The following DAB1 variants were observed in gnomAD, a reference collection of about 807,000 sequenced individuals.
DAB1 encodes disabled homolog 1.
In DAB1, 15 loss-of-function variants were observed where a neutral mutation model predicts 64.6. The ratio of observed to expected loss-of-function variants is 0.23; its 90% CI spans 0.16 to 0.36. The LOEUF is 0.36. Ranked by LOEUF, DAB1 falls within the 10% of genes least tolerant of loss-of-function variation. DAB1 has a pLI of 1.00. For synonymous variants in DAB1, 235 were observed against 251.9 expected, an observed-to-expected ratio of 0.93 and a Z score of 0.64; for missense variants, 596 against 706.7, an observed-to-expected ratio of 0.84 and a Z score of 1.78.
intron 2 of DAB1, among the ~76,000 whole-genome samples, chr1:57,246,155 G>A (rs1010765463): frequency 1.3e-5 from 2 of 152,186 alleles, no homozygotes; most frequent in African/African-American, 4.8e-5. Context: ...CATGATAATG[G>A]GGAAAATGTC....
At chr1:57,471,461 A>T (rs116816704) in intron 7 of DAB1, among the ~76,000 whole-genome samples, 1,546 of 152,334 alleles carry the variant, frequency 0.01, 21 homozygotes, top group Middle Eastern at 0.024. Context: ...TTTATCGGTC[A>T]CTGATATGGT....
chr1:57,943,122 T>C (rs1411990138), intron 5 of DAB1, among the ~76,000 whole-genome samples: 1 of 152,154 alleles, frequency 6.6e-6, no homozygotes, highest in South Asian at 2.1e-4. Flanking sequence ...AAAAGGCTCA[T>C]TAGGGACCAA....
chr1:58,538,719 A>G (rs977966729), intron 1 of DAB1: 2 of 623,626 alleles, frequency 3.2e-6, no homozygotes. Context: ...ATTAATTTCT[A>G]AAAGTTAATA....
intron 7 of DAB1, among the ~76,000 whole-genome samples, chr1:57,624,420 G>A (rs528659993): frequency 2.0e-5 from 3 of 152,242 alleles, no homozygotes; most frequent in Admixed American, 2.0e-4. Context: ...GAACAAAAAT[G>A]TGGTTGGGCA....
chr1:57,525,948 T>C (rs922036045), intron 7 of DAB1, among the ~76,000 whole-genome samples: 26 of 151,664 alleles, frequency 1.7e-4, no homozygotes, highest in African/African-American at 6.1e-4. Context: ...TCTTTTTTTT[T>C]TTTTTTTGAG....
At chr1:58,476,080 A>G (rs968414567) in intron 3 of DAB1, among the ~76,000 whole-genome samples, 1 of 152,214 alleles carries the variant, frequency 6.6e-6, no homozygotes, top group Non-Finnish European at 1.5e-5. Context: ...TTTTAGACCA[A>G]TGCTGCCCAG....
intron 4 of DAB1, among the ~76,000 whole-genome samples, chr1:58,254,004 T>C (rs1034278773): frequency 6.6e-6 from 1 of 152,184 alleles, no homozygotes; most frequent in Non-Finnish European, 1.5e-5. Context: ...ATGAATATTA[T>C]AGTTAGTGGC....
chr1:57,908,384 G>A (rs536496212), intron 5 of DAB1, among the ~76,000 whole-genome samples: 5 of 152,194 alleles, frequency 3.3e-5, no homozygotes, highest in African/African-American at 1.2e-4. Context: ...CCCAACAGCC[G>A]ATTTAACCAA....
At chr1:58,033,265 G>A (rs1264939538) in intron 5 of DAB1, among the ~76,000 whole-genome samples, 1 of 152,136 alleles carries the variant, frequency 6.6e-6, no homozygotes, top group African/African-American at 2.4e-5. Context: ...TTCCTCTACA[G>A]AAGATCCTTC....
chr1:57,586,554 T>C (rs1359805671), intron 7 of DAB1, among the ~76,000 whole-genome samples: 2 of 152,006 alleles, frequency 1.3e-5, no homozygotes, highest in Non-Finnish European at 2.9e-5. Flanking sequence ...CCTCATTCCA[T>C]GTGGGTGGTT....
At chr1:57,043,396 T>G (rs1470119371) in intron 9 of DAB1, among the ~76,000 whole-genome samples, 2 of 152,180 alleles carry the variant, frequency 1.3e-5, no homozygotes, top group East Asian at 3.9e-4. Flanking sequence ...ACATGTAAGC[T>G]TTCATGAAGA....
At chr1:57,471,361 G>A (rs949095253) in intron 7 of DAB1, among the ~76,000 whole-genome samples, 13 of 152,080 alleles carry the variant, frequency 8.5e-5, no homozygotes, top group African/African-American at 3.1e-4. Flanking sequence ...CAAAAGTGAA[G>A]AAAAGAATTT....
At chr1:57,517,696 C>A (rs1179110427) in intron 7 of DAB1, among the ~76,000 whole-genome samples, 1 of 152,210 alleles carries the variant, frequency 6.6e-6, no homozygotes, top group Non-Finnish European at 1.5e-5. Flanking sequence ...CAGCTTCAAT[C>A]GGCAGTGTTT....
chr1:57,265,923 C>A (rs527404579), intron 2 of DAB1, among the ~76,000 whole-genome samples: 3 of 152,308 alleles, frequency 2.0e-5, no homozygotes, highest in Admixed American at 1.3e-4. Flanking sequence ...GAGAGGACTT[C>A]AGAAATAATT....
chr1:58,540,280 AG>A (rs1223797145), intron 1 of DAB1, among the ~76,000 whole-genome samples: 2 of 136,130 alleles, frequency 1.5e-5, no homozygotes, highest in Non-Finnish European at 1.6e-5. Context: ...ACTGCATCCC[AG>A]GAAAAAAAAA....
chr1:57,359,744 C>T (rs1423086173), intron 1 of DAB1, among the ~76,000 whole-genome samples: 1 of 151,998 alleles, frequency 6.6e-6, no homozygotes, highest in East Asian at 1.9e-4. Context: ...CAATGTAATA[C>T]TATTCAGCCA....
intron 1 of DAB1, among the ~76,000 whole-genome samples, chr1:57,388,718 T>C (rs1223178896): frequency 1.3e-5 from 2 of 152,204 alleles, no homozygotes; most frequent in Non-Finnish European, 2.9e-5. Context: ...GGAAGTGAGC[T>C]CAGCTTTCTA....
At chr1:57,825,405 G>T (rs1412389780), downstream of DAB1, among the ~76,000 whole-genome samples, 1 of 152,204 alleles carries the variant, frequency 6.6e-6, no homozygotes, top group Non-Finnish European at 1.5e-5. Flanking sequence ...GAGGAGGCAG[G>T]ACTGTATAGA....
intron 2 of DAB1, among the ~76,000 whole-genome samples, chr1:58,524,925 T>A (rs1365736103): frequency 6.6e-6 from 1 of 152,204 alleles, no homozygotes; most frequent in East Asian, 1.9e-4. Flanking sequence ...TGTCTTCTGG[T>A]GTTTTAAGTA....
Sources: gnomAD v4.1 joint callset for allele counts (sites outside exome capture counted in the v4.1 genomes callset) on GRCh38, gnomAD v4.1.1 for gene constraint, MANE v1.5 for transcripts, NCBI Gene and HGNC (gene_info 2026-07-23, HGNC 2026-07-21) for gene names.